RRP15: variants seen among roughly 807,000 people sequenced by gnomAD.
RRP15 encodes RRP15-like protein.
A neutral mutation model predicts 27.1 loss-of-function variants in RRP15; 18 were observed. The observed-to-expected ratio is 0.66, with a 90% confidence interval of 0.46 to 0.98. The LOEUF is 0.98. Among genes scored for constraint, RRP15 ranks in the 50% least tolerant of loss-of-function variants. RRP15 has a pLI of 0.00. For synonymous variants in RRP15, 107 were observed against 109.4 expected (o/e 0.98, Z 0.14); for missense variants, 359 against 337.8 (o/e 1.06, Z -0.49).
intron 4 of RRP15, among the ~76,000 whole-genome samples, chr1:218,312,363 C>A (rs1656008135): frequency 6.6e-6 from 1 of 150,680 alleles, no homozygotes; most frequent in Admixed American, 6.6e-5. Flanking sequence ...CTTTTAAGAC[C>A]TTCTCTATCC....
At position 218,300,443 on chromosome 1, in the gene RRP15, A is replaced by G. The variant is rs1328675253; in HGVS notation, c.140-1851A>G. 2.0e-5 allele frequency among the ~76,000 whole-genome samples: 3 copies of G among 152,162 alleles called. No homozygotes were observed. The East Asian group carries it at 5.8e-4, about 29-fold the overall frequency. ...TTTTACATCATTTTTTGTTTCATGA[A>G]TTTTCAGCACTGAAAAAATAAAGGT... is the stretch of plus-strand genomic sequence containing the variant. On this transcript the variant is annotated intron_variant, in intron 1 of 4. Coordinates refer to ENST00000366932, the MANE Select transcript of RRP15 (RefSeq NM_016052.4).
At chr1:218,328,611 C>T (rs746402395) in intron 4 of RRP15, among the ~76,000 whole-genome samples, 28 of 151,726 alleles carry the variant, frequency 1.8e-4, no homozygotes, top group Non-Finnish European at 4.0e-4. Context: ...TGCAGTGAGC[C>T]GAGATTGCGC....
chr1:218,310,661 T>G (rs557197345), intron 4 of RRP15, among the ~76,000 whole-genome samples: 1 of 152,298 alleles, frequency 6.6e-6, no homozygotes, highest in East Asian at 1.9e-4. Flanking sequence ...TTATAGAAAT[T>G]TCATATTTCT....
In RRP15 at chr1:218,332,158, T is replaced by G. The variant is rs1221811768; in HGVS notation, c.*1067T>G. ...AGTTTGACATGCTTTAGTCTCTCTCTTCTTTTTTTTCCTCCCAAATATTTG... is the reference window on the plus strand; with the variant it reads ...AGTTTGACATGCTTTAGTCTCTCTCGTCTTTTTTTTCCTCCCAAATATTTG... On this transcript the variant is annotated 3_prime_UTR_variant, in exon 5 of 5. Coordinates refer to ENST00000366932, the MANE Select transcript of RRP15 (RefSeq NM_016052.4). 6.6e-6 allele frequency: 1 copy of G among 152,210 alleles called. No individual in the cohort carries two copies. Among genetic ancestry groups the G allele is most frequent in the Non-Finnish European group, 1.5e-5 (1 of 68,038 alleles). 9.4% of individuals were successfully genotyped at this position (152,210 alleles called of 1,614,324 possible).
chr1:218,292,701 A>G (rs1243703431), intron 1 of RRP15, among the ~76,000 whole-genome samples: 1 of 152,214 alleles, frequency 6.6e-6, no homozygotes. Flanking sequence ...TAAACTGGCA[A>G]CAGTCTGCAT....
intron 4 of RRP15, among the ~76,000 whole-genome samples, chr1:218,316,749 A>G (rs142111992): frequency 1.3e-5 from 2 of 152,230 alleles, no homozygotes; most frequent in African/African-American, 4.8e-5. Context: ...CATGCCATCA[A>G]AACGAGTTCC....
chr1:218,303,758 A>T (rs1381452128), intron 2 of RRP15, among the ~76,000 whole-genome samples: 1 of 152,208 alleles, frequency 6.6e-6, no homozygotes, highest in African/African-American at 2.4e-5. Flanking sequence ...ACATGTATTG[A>T]TACCAGAAGC....
Position 218,333,315 on chromosome 1 carries a change from A to G in RRP15, c.*2224A>G, listed in dbSNP as rs917520618. 1.3e-5 allele frequency: 2 copies of G among 152,226 alleles called. No homozygotes were observed. Among genetic ancestry groups the G allele is most frequent in the African/African-American group, 4.8e-5 (2 of 41,472 alleles). 9.4% of individuals were successfully genotyped at this position (152,226 alleles called of 1,614,324 possible). ...CATCTTGGGTATTAAGCAAAATACC[A>G]TATGTATAAATATGAAACCAGGAAT... On this transcript the variant is annotated 3_prime_UTR_variant, in exon 5 of 5. Transcript: ENST00000366932.
intron 4 of RRP15, among the ~76,000 whole-genome samples, chr1:218,310,339 A>T (rs1276822695): frequency 3.3e-5 from 5 of 151,320 alleles, no homozygotes; most frequent in Non-Finnish European, 2.9e-5. Flanking sequence ...CCACATATAA[A>T]CTAGATTTCA....
At chr1:218,323,241 C>T (rs1042079501) in intron 4 of RRP15, among the ~76,000 whole-genome samples, 2 of 152,216 alleles carry the variant, frequency 1.3e-5, no homozygotes, top group African/African-American at 4.8e-5. Context: ...TGTGTTACAC[C>T]TCTTTTAGCC....
At position 218,289,695 on chromosome 1, in the gene RRP15, T is replaced by C. The variant is rs539948224; in HGVS notation, c.139+4240T>C. ...CTTGCCCGCATCTCTCTCTCTCTCT[T>C]TTTTGAGATGGAGTTTTGCTCTTGT... On this transcript the variant is annotated intron_variant, in intron 1 of 4. Coordinates refer to ENST00000366932, the MANE Select transcript of RRP15 (RefSeq NM_016052.4). Among the ~76,000 whole-genome samples, 48 of 152,298 alleles carry C rather than the reference T, an allele frequency of 3.2e-4. 2 individuals are homozygous for C. In the South Asian group the frequency reaches 4.8e-3, roughly 15 times the overall value.
At chr1:218,303,278 G>A (rs1655843016) in intron 2 of RRP15, among the ~76,000 whole-genome samples, 1 of 152,156 alleles carries the variant, frequency 6.6e-6, no homozygotes. Context: ...TGGCAGCATA[G>A]AAGTACTAAT....
rs1203513416 is a variant in RRP15, at chr1:218,333,104, A to C, written c.*2013A>C. On this transcript the variant is annotated 3_prime_UTR_variant, in exon 5 of 5. Coordinates refer to ENST00000366932, the MANE Select transcript of RRP15 (RefSeq NM_016052.4). The stretch of plus-strand genomic sequence containing the variant: ...AATTTGACAAGATCTTCACATTGAA[A>C]GTAAGGACGAGAATATTTGCAGATT... 6.6e-6 allele frequency: 1 copy of C among 152,188 alleles called. No homozygotes were observed. Among genetic ancestry groups the C allele is most frequent in the Non-Finnish European group, 1.5e-5 (1 of 68,018 alleles). 9.4% of individuals were successfully genotyped at this position (152,188 alleles called of 1,614,324 possible). A position where few individuals can be genotyped will look rare whatever the true frequency, so the allele number is the denominator to read the frequency against.
intron 1 of RRP15, among the ~76,000 whole-genome samples, chr1:218,295,928 T>G (rs904444903): frequency 6.6e-6 from 1 of 152,012 alleles, no homozygotes; most frequent in East Asian, 1.9e-4. Flanking sequence ...TTTTTTGAAG[T>G]TTTAAAGCAT....
intron 2 of RRP15, among the ~76,000 whole-genome samples, chr1:218,303,851 T>C (rs979277023): frequency 1.3e-5 from 2 of 152,264 alleles, no homozygotes; most frequent in African/African-American, 4.8e-5. Context: ...TTAACTATTA[T>C]GGTTTTCCAA....
rs1183233107 is a variant in RRP15 at position 218,337,970 on chromosome 1, T to C, written c.*6879T>C. The C allele has an allele frequency of 6.6e-6, 1 of 152,208 alleles. No homozygotes were observed. Among genetic ancestry groups the C allele is most frequent in the Non-Finnish European group, 1.5e-5 (1 of 68,022 alleles). The allele number at this position is 152,208 out of a possible 1,614,324, so 9.4% of individuals were successfully genotyped here. On this transcript the variant is annotated 3_prime_UTR_variant, in exon 5 of 5. Transcript: ENST00000366932. ...GTGCCTTTTGATTAATAAAACTTTA[T>C]TTTTAAGTGAGAACCTCTGTTTTCT...
chr1:218,291,642 C>G (rs1655643742), intron 1 of RRP15, among the ~76,000 whole-genome samples: 1 of 143,762 alleles, frequency 7.0e-6, no homozygotes, highest in African/African-American at 2.6e-5. Context: ...AGCAATTCTT[C>G]TGCCTCAGCC....
intron 1 of RRP15, among the ~76,000 whole-genome samples, chr1:218,290,855 G>A (rs1303849579): frequency 6.6e-6 from 1 of 152,162 alleles, no homozygotes; most frequent in East Asian, 1.9e-4. Flanking sequence ...TTGGCCACAT[G>A]CGGGGGGCAT....
chr1:218,319,205 C>T (rs1396585702), intron 4 of RRP15, among the ~76,000 whole-genome samples: 1 of 151,956 alleles, frequency 6.6e-6, no homozygotes, highest in Non-Finnish European at 1.5e-5. Flanking sequence ...GCTGGGATTA[C>T]AGGCGCCCGC....
Sources: gnomAD v4.1 joint callset for allele counts (sites outside exome capture counted in the v4.1 genomes callset) on GRCh38, gnomAD v4.1.1 for gene constraint, MANE v1.5 for transcripts, NCBI Gene and HGNC (gene_info 2026-07-23, HGNC 2026-07-21) for gene names.